Variants in CALHM5 observed in about 807,000 individuals in gnomAD.
The protein encoded by CALHM5 is calcium homeostasis modulator family member 5, also known as calcium homeostasis modulator protein 5.
In CALHM5, 17 loss-of-function variants were observed where a neutral mutation model predicts 20.9. The ratio of observed to expected loss-of-function variants is 0.82; its 90% CI spans 0.56 to 1.22. The LOEUF is 1.22. Among genes scored for constraint, CALHM5 ranks in the 50% most tolerant of loss-of-function variants. The pLI is 0.00. For synonymous variants in CALHM5, 148 were observed against 140.0 expected, an observed-to-expected ratio of 1.06 and a Z score of -0.40; for missense variants, 360 against 364.6, an observed-to-expected ratio of 0.99 and a Z score of 0.10.
Position 116,511,894 on chromosome 6 carries a change from A to C in CALHM5, c.198A>C (p.Gly66=). 1 of 1,613,912 alleles carries C rather than the reference A, an allele frequency of 6.2e-7. No homozygotes were observed. The highest frequency in any genetic ancestry group is 1.7e-5 in the Admixed American group (1 of 59,970). ...CTGCCTGGGTGTTACTGATCCTGGG[A>C]TTCTTTCTGAACAATAGGTCGTGGA... ...FAPAWVLLIL[G]FFLNNRSWRL... The change falls in exon 1 of 2, where the codon GGA becomes GGC. Residue 66 remains glycine, a synonymous_variant. Transcript: ENST00000368599.
Position 116,524,224 on chromosome 6 carries a change from G to A in CALHM5, c.*8235G>A, listed in dbSNP as rs1393403854. ...GATGAAATAAGATTGGCAAAATATG[G>A]AAACTATTGAAGCTGGATGGTAGGT... On this transcript the variant is annotated 3_prime_UTR_variant, in exon 2 of 2. Coordinates refer to ENST00000368599, the MANE Select transcript of CALHM5 (RefSeq NM_153711.5). 6.6e-6 allele frequency: 1 copy of A among 152,150 alleles called. No homozygotes were observed. Among genetic ancestry groups the A allele is most frequent in the Admixed American group, 6.5e-5 (1 of 15,282 alleles). 9.4% of individuals were successfully genotyped at this position (152,150 alleles called of 1,614,324 possible).
At position 116,516,053 on chromosome 6, in the gene CALHM5, A is replaced by G. The variant is rs770826498; in HGVS notation, c.*64A>G. On this transcript the variant is annotated 3_prime_UTR_variant, in exon 2 of 2. Coordinates refer to ENST00000368599, the MANE Select transcript of CALHM5 (RefSeq NM_153711.5). ...GCTCATTCTGTGATCCTCCTAACGT[A>G]TCACCAGCAACCTGTGTGTCTCTGT... 1.3e-5 allele frequency: 20 copies of G among 1,501,254 alleles called. No individual in the cohort carries two copies. The highest frequency in any genetic ancestry group is 1.4e-5 in the Non-Finnish European group (16 of 1,124,294). The allele number at this position is 1,501,254 out of a possible 1,614,324, so 93.0% of individuals were successfully genotyped here.
rs145876634 is a variant in CALHM5, at chr6:116,524,473, G to C, written c.*8484G>C. The C allele has an allele frequency of 1.3e-5, 2 of 152,150 alleles. No homozygotes were observed. The highest frequency in any genetic ancestry group is 4.8e-5 in the African/African-American group (2 of 41,444). The allele number at this position is 152,150 out of a possible 1,614,324, so 9.4% of individuals were successfully genotyped here. On this transcript the variant is annotated 3_prime_UTR_variant, in exon 2 of 2. Transcript: ENST00000368599. ...ATATTCAGCCTGTTGGCCTGTTCTCGAATTGAAGGACAGCTTGTCTGGTTC... is the reference window on the plus strand; with the variant it reads ...ATATTCAGCCTGTTGGCCTGTTCTCCAATTGAAGGACAGCTTGTCTGGTTC...
At chr6:116,515,440 A>G (rs1421677093) in intron 1 of CALHM5, among the ~76,000 whole-genome samples, 160 bp from the exon 2 acceptor site, 1 of 152,206 alleles carries the variant, frequency 6.6e-6, no homozygotes, top group Non-Finnish European at 1.5e-5. Context: ...TAATAAATTC[A>G]AAAAGTGAGT....
rs1431081929 is a variant in CALHM5 at position 116,520,244 on chromosome 6, C to T, written c.*4255C>T. 3.9e-5 allele frequency: 6 copies of T among 152,274 alleles called. No homozygotes were observed. The highest frequency in any genetic ancestry group is 4.4e-5 in the Non-Finnish European group (3 of 68,012). The allele number at this position is 152,274 out of a possible 1,614,324, so 9.4% of individuals were successfully genotyped here. On this transcript the variant is annotated 3_prime_UTR_variant, in exon 2 of 2. Transcript: ENST00000368599. The stretch of plus-strand genomic sequence containing the variant: ...GAAGTCACTGGGTAGCAGAAAACTG[C>T]TACCGCTTCTCACATGATATATTTC...
chr6:116,511,666 G>A lies in CALHM5; in HGVS notation c.-31G>A. ...CACAGCTGCTCTGCCAATAACAAAGGCACAGCATTTTCCCTCTGTGCATCT... is the reference window on the plus strand; with the variant it reads ...CACAGCTGCTCTGCCAATAACAAAGACACAGCATTTTCCCTCTGTGCATCT... On this transcript the variant is annotated 5_prime_UTR_variant, in exon 1 of 2. Transcript: ENST00000368599. 1 of 1,596,872 alleles carries A rather than the reference G, an allele frequency of 6.3e-7. No homozygotes were observed. Among genetic ancestry groups the A allele is most frequent in the Non-Finnish European group, 8.5e-7 (1 of 1,170,762 alleles).
At chr6:116,514,831 A>G (rs72951267) in intron 1 of CALHM5, among the ~76,000 whole-genome samples, 26,069 of 152,252 alleles carry the variant, frequency 0.17, 2,346 homozygotes, top group East Asian at 0.35. Flanking sequence ...AGGATCATTT[A>G]AACTAAATGT....
In CALHM5 at chr6:116,512,140, G is replaced by C. The variant is rs202217341; in HGVS notation, c.444G>C (p.Glu148Asp). Reference sequence around the variant, plus strand: ...TGATTTGCAAGGGTAAGCCCAAAGAGTGCTGGGAAGAACTTCACAAAGTAT... The same window carrying C: ...TGATTTGCAAGGGTAAGCCCAAAGACTGCTGGGAAGAACTTCACAAAGTAT... ...LELICKGKPK[E>D]CWEELHKVSC... Residue 148 changes from glutamate (E) to aspartate (D), a missense_variant, in exon 1 of 2, where the codon GAG (glutamate) becomes GAC (aspartate). Physicochemically the swap from Glu to Asp is conservative, Grantham distance 45. Transcript: ENST00000368599. The C allele has an allele frequency of 3.9e-5, 63 of 1,613,780 alleles. No homozygotes were observed. The highest frequency in any genetic ancestry group is 5.1e-5 in the Non-Finnish European group (60 of 1,179,986).
intron 1 of CALHM5, among the ~76,000 whole-genome samples, chr6:116,513,795 G>A (rs1289712782): frequency 6.6e-6 from 1 of 152,170 alleles, no homozygotes. Flanking sequence ...AAATCTAGCT[G>A]GATGACTCTC....
In CALHM5 at chr6:116,523,276, T is replaced by G. The variant is rs55863133; in HGVS notation, c.*7287T>G. On this transcript the variant is annotated 3_prime_UTR_variant, in exon 2 of 2. Coordinates refer to ENST00000368599, the MANE Select transcript of CALHM5 (RefSeq NM_153711.5). Reference sequence around the variant, plus strand: ...ATACCTTTCTATTCATTCAAGGATATATTTTGTCCTTTAGGAATATTTTAA... The same window carrying G: ...ATACCTTTCTATTCATTCAAGGATAGATTTTGTCCTTTAGGAATATTTTAA... 3.9e-5 allele frequency: 6 copies of G among 152,324 alleles called. No homozygotes were observed. Among genetic ancestry groups the G allele is most frequent in the African/African-American group, 1.4e-4 (6 of 41,588 alleles). The allele number at this position is 152,324 out of a possible 1,614,324, so 9.4% of individuals were successfully genotyped here.
Position 116,511,951 on chromosome 6 carries a change from G to A in CALHM5, c.255G>A (p.Arg85=), listed in dbSNP as rs1345740994. ...TCACAGGCTGCTGTGTGAATCCCAG[G>A]AAAATCTTTCCCAGAGGCCACAGCT... ...RLFTGCCVNP[R]KIFPRGHSCR... The change falls in exon 1 of 2, where the codon AGG becomes AGA. Residue 85 remains arginine, a synonymous_variant. Coordinates refer to ENST00000368599, the MANE Select transcript of CALHM5 (RefSeq NM_153711.5). The A allele has an allele frequency of 6.2e-7, 1 of 1,613,944 alleles. No individual in the cohort carries two copies. The highest frequency in any genetic ancestry group is 8.5e-7 in the Non-Finnish European group (1 of 1,180,000).
chr6:116,516,073 C>T lies in CALHM5; in HGVS notation c.*84C>T. 1 of 1,464,350 alleles carries T rather than the reference C, an allele frequency of 6.8e-7. No homozygotes were observed. The allele number at this position is 1,464,350 out of a possible 1,614,324, so 90.7% of individuals were successfully genotyped here. A position where few individuals can be genotyped will look rare whatever the true frequency, so the allele number is the denominator to read the frequency against. ...AACGTATCACCAGCAACCTGTGTGT[C>T]TCTGTATTTTCTTACATTTGGAGTA... is the stretch of plus-strand genomic sequence containing the variant. On this transcript the variant is annotated 3_prime_UTR_variant, in exon 2 of 2. Coordinates refer to ENST00000368599, the MANE Select transcript of CALHM5 (RefSeq NM_153711.5).
At chr6:116,513,169 G>A (rs974880136) in intron 1 of CALHM5, among the ~76,000 whole-genome samples, 13 of 152,114 alleles carry the variant, frequency 8.5e-5, no homozygotes, top group Admixed American at 7.9e-4. Flanking sequence ...CACAGAAATA[G>A]CATTATTTTA....
Position 116,524,094 on chromosome 6 carries a change from C to T in CALHM5, c.*8105C>T, listed in dbSNP as rs73769114. 11 of 152,026 alleles carry T rather than the reference C, an allele frequency of 7.2e-5. No homozygotes were observed. In the East Asian group the frequency reaches 2.1e-3, roughly 29 times the overall value. The allele number at this position is 152,026 out of a possible 1,614,324, so 9.4% of individuals were successfully genotyped here. On this transcript the variant is annotated 3_prime_UTR_variant, in exon 2 of 2. Coordinates refer to ENST00000368599, the MANE Select transcript of CALHM5 (RefSeq NM_153711.5). ...GCCGATTTATGTTTTTTAAAAAGTT[C>T]TTCAGTTAGAGATGTATATTTAAAT...
chr6:116,513,430 A>G lies in CALHM5; in HGVS notation c.540+1194A>G, dbSNP rs534409490. Among the ~76,000 whole-genome samples, 22 of 152,304 alleles carry G rather than the reference A, an allele frequency of 1.4e-4. No individual in the cohort carries two copies. In the South Asian group the frequency reaches 2.5e-3, roughly 17 times the overall value. On this transcript the variant is annotated intron_variant, in intron 1 of 1. Transcript: ENST00000368599. ...TACAACTCTTATGACAGAATGATTG[A>G]TTTATGGTGTATGTCCTCAGTCACC... is the stretch of plus-strand genomic sequence containing the variant.
rs57050552 is a variant in CALHM5 at position 116,516,660 on chromosome 6, AATATATATATATATATATATATAT to A, written c.*697_*720del. On this transcript the variant is annotated 3_prime_UTR_variant, in exon 2 of 2. Coordinates refer to ENST00000368599, the MANE Select transcript of CALHM5 (RefSeq NM_153711.5). ...TCCTACATTCAAAATAGTAGTAACA[AATATATATATATATATATATATAT>A]ATATATATATATATATATATATATA... The A allele has an allele frequency of 0.018, 1,856 of 104,400 alleles. 89 individuals carry two copies. The highest frequency in any genetic ancestry group is 0.071 in the African/African-American group (1,678 of 23,750). The allele number at this position is 104,400 out of a possible 1,614,324, so 6.5% of individuals were successfully genotyped here. A position where few individuals can be genotyped will look rare whatever the true frequency, so the allele number is the denominator to read the frequency against.
intron 1 of CALHM5, among the ~76,000 whole-genome samples, chr6:116,514,152 G>A (rs1772177555): frequency 6.6e-6 from 1 of 152,036 alleles, no homozygotes. Flanking sequence ...GTTTGACTCT[G>A]GGTACTGTGA....
rs1465448996 is a variant in CALHM5, at chr6:116,515,708, A to G, written c.649A>G (p.Thr217Ala). The G allele has an allele frequency of 6.2e-7, 1 of 1,614,004 alleles. No homozygotes were observed. The highest frequency in any genetic ancestry group is 1.1e-5 in the South Asian group (1 of 91,076). The change falls in exon 2 of 2, where the codon ACA (threonine) becomes GCA (alanine). Residue 217 changes from threonine to alanine, a missense_variant. By Grantham distance (58) the Thr-to-Ala change is moderately conservative. Coordinates refer to ENST00000368599, the MANE Select transcript of CALHM5 (RefSeq NM_153711.5). ...VSYLQLSFWK[T>A]YAQKEKEQLE... ...CTACCTTCAGCTGAGTTTTTGGAAG[A>G]CATATGCACAAAAGGAGAAGGAGCA...
At chr6:116,512,612 A>G (rs1356021423) in intron 1 of CALHM5, among the ~76,000 whole-genome samples, 1 of 152,252 alleles carries the variant, frequency 6.6e-6, no homozygotes, top group Admixed American at 6.5e-5. Flanking sequence ...AATTATTTAC[A>G]TTCAAGTTGT....
Sources: gnomAD v4.1 joint callset for allele counts (sites outside exome capture counted in the v4.1 genomes callset) on GRCh38, gnomAD v4.1.1 for gene constraint, MANE v1.5 for transcripts, NCBI Gene and HGNC (gene_info 2026-07-23, HGNC 2026-07-21) for gene names.